Variants in SOHLH2 observed in about 807,000 individuals in gnomAD.
SOHLH2 encodes the protein spermatogenesis- and oogenesis-specific basic helix-loop-helix-containing protein 2.
SOHLH2 carries 22 observed loss-of-function variants against 50.4 expected under a neutral mutation model. The ratio of observed to expected loss-of-function variants is 0.44; its 90% CI spans 0.31 to 0.62. SOHLH2 has a LOEUF of 0.62. Ranked by LOEUF, SOHLH2 falls within the 20% of genes least tolerant of loss-of-function variation. The pLI, the probability that SOHLH2 is intolerant of heterozygous loss-of-function variation, is 0.08. For synonymous variants in SOHLH2, 185 were observed against 187.3 expected (o/e 0.99, Z 0.10); for missense variants, 412 against 504.4 (o/e 0.82, Z 1.76).
intron 6 of SOHLH2, among the ~76,000 whole-genome samples, chr13:36,187,116 T>G (rs1376582458): frequency 6.6e-6 from 1 of 152,144 alleles, no homozygotes; most frequent in East Asian, 1.9e-4. Context: ...AACAAAGATT[T>G]CTAGTCCTTC....
chr13:36,206,650 T>C (rs1868781227), intron 1 of SOHLH2, among the ~76,000 whole-genome samples: 1 of 151,948 alleles, frequency 6.6e-6, no homozygotes, highest in Admixed American at 6.6e-5. Context: ...ACAATACCTG[T>C]TTTCTGTTGT....
At position 36,189,848 on chromosome 13, in the gene SOHLH2, T is replaced by C. The variant is rs528836411; in HGVS notation, c.641+98A>G. The C allele has an allele frequency of 1.1e-5, 13 of 1,196,282 alleles. No individual in the cohort carries two copies. In the South Asian group the frequency reaches 2.5e-4, roughly 23 times the overall value. 74.1% of individuals were successfully genotyped at this position (1,196,282 alleles called of 1,614,324 possible). On this transcript the variant is annotated intron_variant, in intron 6 of 10. Transcript: ENST00000379881. ...CTATTTGTTTGCTAAGTTTACTAGTTTCACTTATACTTTTAATAATACTAC... is the reference window on the plus strand; with the variant it reads ...CTATTTGTTTGCTAAGTTTACTAGTCTCACTTATACTTTTAATAATACTAC...
In SOHLH2 at chr13:36,202,176, A is replaced by G. The variant is rs1056113487; in HGVS notation, c.49-83T>C. On this transcript the variant is annotated intron_variant, in intron 1 of 10. Transcript: ENST00000379881. ...TCATGTATGAGAGGATAAGATAAAT[A>G]AAGCTCACAAATAACACAACAATTG... The G allele has an allele frequency of 5.3e-6, 8 of 1,508,724 alleles. No homozygotes were observed. The African/African-American group carries it at 1.1e-4, about 21-fold the overall frequency. The allele number at this position is 1,508,724 out of a possible 1,614,324, so 93.5% of individuals were successfully genotyped here. A position where few individuals can be genotyped will look rare whatever the true frequency, so the allele number is the denominator to read the frequency against.
chr13:36,169,917 T>TG (rs1886916363), intron 10 of SOHLH2, among the ~76,000 whole-genome samples: 1 of 152,170 alleles, frequency 6.6e-6, no homozygotes, highest in Non-Finnish European at 1.5e-5. Flanking sequence ...GCTTCAACCA[T>TG]ATTGTAATTT....
chr13:36,213,011 C>T (rs1314279472), intron 1 of SOHLH2, among the ~76,000 whole-genome samples: 4 of 152,222 alleles, frequency 2.6e-5, no homozygotes, highest in Admixed American at 2.6e-4. Flanking sequence ...TTATGTCACT[C>T]TTATCACCAG....
At position 36,204,917 on chromosome 13, in the gene SOHLH2, G is replaced by A. The variant is rs559373258; in HGVS notation, c.49-2824C>T. Reference sequence around the variant, plus strand: ...GAAGTATGCATCTTAGAGAATTTGGGTCTATTATGATCTTCAGTTTTATGG... The same window carrying A: ...GAAGTATGCATCTTAGAGAATTTGGATCTATTATGATCTTCAGTTTTATGG... On this transcript the variant is annotated intron_variant, in intron 1 of 10. Coordinates refer to ENST00000379881, the MANE Select transcript of SOHLH2 (RefSeq NM_017826.3). Among the ~76,000 whole-genome samples, 202 of 151,852 alleles carry A rather than the reference G, an allele frequency of 1.3e-3. 1 individual carries two copies. The highest frequency in any genetic ancestry group is 3.4e-3 in the Middle Eastern group (1 of 292).
At chr13:36,206,656 G>A (rs1868781838) in intron 1 of SOHLH2, among the ~76,000 whole-genome samples, 1 of 151,744 alleles carries the variant, frequency 6.6e-6, no homozygotes, top group Non-Finnish European at 1.5e-5. Flanking sequence ...CCTGTTTTCT[G>A]TTGTGCATAA....
At position 36,192,028 on chromosome 13, in the gene SOHLH2, C is replaced by T. The variant is rs928858491; in HGVS notation, c.431-134G>A. ...ATTTTACAAAGCAGTATTTTTAAAA[C>T]TGAAAGCAATTTATAGATTTCTGTG... On this transcript the variant is annotated intron_variant, in intron 4 of 10. Coordinates refer to ENST00000379881, the MANE Select transcript of SOHLH2 (RefSeq NM_017826.3). 6 of 996,532 alleles carry T rather than the reference C, an allele frequency of 6.0e-6. No homozygotes were observed. The Admixed American group carries it at 1.8e-4, about 29-fold the overall frequency. The allele number at this position is 996,532 out of a possible 1,614,324, so 61.7% of individuals were successfully genotyped here. A position where few individuals can be genotyped will look rare whatever the true frequency, so the allele number is the denominator to read the frequency against.
chr13:36,196,333 C>T (rs1237175619), intron 2 of SOHLH2, among the ~76,000 whole-genome samples: 2 of 151,878 alleles, frequency 1.3e-5, no homozygotes, highest in Non-Finnish European at 2.9e-5. Context: ...ACTATGTTGC[C>T]CAGGCTGGTC....
chr13:36,184,236 T>A (rs547775398), intron 6 of SOHLH2, among the ~76,000 whole-genome samples: 1 of 152,166 alleles, frequency 6.6e-6, no homozygotes, highest in East Asian at 1.9e-4. Flanking sequence ...GTTATACACT[T>A]CTAAACAGTG....
intron 1 of SOHLH2, among the ~76,000 whole-genome samples, chr13:36,212,642 G>T (rs766560855): frequency 6.6e-6 from 1 of 152,136 alleles, no homozygotes; most frequent in Admixed American, 6.5e-5. Flanking sequence ...ATCTTTTTCT[G>T]TTTGAATTGC....
At chr13:36,183,215 A>G in intron 6 of SOHLH2, 1 of 337,858 alleles carries the variant, frequency 3.0e-6, no homozygotes, top group Non-Finnish European at 6.5e-6. Context: ...ATCACGAGTC[A>G]ATTAAACCTC....
chr13:36,178,636 T>G (rs957784680), intron 6 of SOHLH2, among the ~76,000 whole-genome samples: 4 of 152,176 alleles, frequency 2.6e-5, no homozygotes, highest in African/African-American at 9.6e-5. Flanking sequence ...TCTTGTCAAT[T>G]TTTATGGAAA....
chr13:36,173,862 G>C (rs1887030499), intron 8 of SOHLH2, 52 bp from the exon 9 acceptor site: 1 of 1,597,790 alleles, frequency 6.3e-7, no homozygotes, highest in East Asian at 2.2e-5. Flanking sequence ...AAACAATGTG[G>C]ACACTGCTGA....
intron 2 of SOHLH2, among the ~76,000 whole-genome samples, chr13:36,200,833 G>A (rs1400705047): frequency 1.3e-5 from 2 of 151,822 alleles, no homozygotes; most frequent in South Asian, 2.1e-4. Context: ...GGTGGATCAC[G>A]AGGTCAGGAG....
At chr13:36,197,627 A>G (rs1451788293) in intron 2 of SOHLH2, among the ~76,000 whole-genome samples, 2 of 152,226 alleles carry the variant, frequency 1.3e-5, no homozygotes, top group Non-Finnish European at 2.9e-5. Flanking sequence ...TCTTGAGTAC[A>G]GTTACCCACT....
At chr13:36,203,496 G>A (rs570911608) in intron 1 of SOHLH2, among the ~76,000 whole-genome samples, 23 of 152,122 alleles carry the variant, frequency 1.5e-4, no homozygotes, top group African/African-American at 3.9e-4. Context: ...ATGTTATTAC[G>A]GTGCCATGAT....
chr13:36,199,329 A>T (rs567203616), intron 2 of SOHLH2, among the ~76,000 whole-genome samples: 145 of 151,834 alleles, frequency 9.5e-4, no homozygotes, highest in Non-Finnish European at 1.6e-3. Context: ...ACACACACAC[A>T]CATAACCAAA....
At chr13:36,214,167 A>G (rs1176258136) in intron 1 of SOHLH2, among the ~76,000 whole-genome samples, 1 of 151,998 alleles carries the variant, frequency 6.6e-6, no homozygotes, top group Non-Finnish European at 1.5e-5. Context: ...TTTCTTTATA[A>G]CACGATTCAG....
Sources: gnomAD v4.1 joint callset for allele counts (sites outside exome capture counted in the v4.1 genomes callset) on GRCh38, gnomAD v4.1.1 for gene constraint, MANE v1.5 for transcripts, NCBI Gene and HGNC (gene_info 2026-07-23, HGNC 2026-07-21) for gene names.